The following CDKAL1 variants were observed in gnomAD, a reference collection of about 807,000 sequenced individuals.
CDKAL1 encodes CDKAL1 threonylcarbamoyladenosine tRNA methylthiotransferase, also known as threonylcarbamoyladenosine tRNA methylthiotransferase.
In CDKAL1, 32 loss-of-function variants were observed where a neutral mutation model predicts 68.2. The ratio of observed to expected loss-of-function variants is 0.47; its 90% CI spans 0.35 to 0.63. The LOEUF (loss-of-function observed/expected upper bound fraction) is 0.63. Ranked by LOEUF, CDKAL1 falls within the 30% of genes least tolerant of loss-of-function variation. The pLI, the probability that CDKAL1 is intolerant of heterozygous loss-of-function variation, is 0.00. For synonymous variants in CDKAL1, 234 were observed against 244.3 expected, an observed-to-expected ratio of 0.96 and a Z score of 0.39; for missense variants, 606 against 696.7, an observed-to-expected ratio of 0.87 and a Z score of 1.47.
At chr6:20,546,698 C>T (rs1362144987) in intron 3 of CDKAL1, among the ~76,000 whole-genome samples, 175 bp downstream of exon 3, 1 of 152,068 alleles carries the variant, frequency 6.6e-6, no homozygotes, top group Non-Finnish European at 1.5e-5. Flanking sequence ...TGATTACAGG[C>T]ACACACCACC....
intron 8 of CDKAL1, among the ~76,000 whole-genome samples, chr6:20,813,158 C>T (rs1022449446): frequency 1.3e-5 from 2 of 152,130 alleles, no homozygotes; most frequent in African/African-American, 2.4e-5. Flanking sequence ...TATAGGCCAG[C>T]TTGGTCTCAA....
chr6:21,194,306 A>T (rs1778380068), intron 13 of CDKAL1, among the ~76,000 whole-genome samples: 1 of 152,152 alleles, frequency 6.6e-6, no homozygotes, highest in African/African-American at 2.4e-5. Flanking sequence ...GATTTTGTCC[A>T]TTTTTCACAG....
intron 8 of CDKAL1, among the ~76,000 whole-genome samples, chr6:20,799,046 T>TTTTG (rs1479965862): frequency 4.2e-4 from 45 of 106,716 alleles, no homozygotes; most frequent in Non-Finnish European, 7.5e-4. Context: ...CTGAGTTTTT[T>TTTTG]TTTTTTTTTT....
intron 8 of CDKAL1, among the ~76,000 whole-genome samples, chr6:20,820,907 G>C (rs1410748447): frequency 2.0e-5 from 3 of 152,030 alleles, no homozygotes; most frequent in African/African-American, 4.8e-5. Context: ...AGTGAACAGT[G>C]TAATGAGGAA....
At position 21,061,248 on chromosome 6, in the gene CDKAL1, A is replaced by C. The variant is rs78228057; in HGVS notation, c.1056-3800A>C. On this transcript the variant is annotated intron_variant, in intron 11 of 15. Coordinates refer to ENST00000274695, the MANE Select transcript of CDKAL1 (RefSeq NM_017774.3). The stretch of plus-strand genomic sequence containing the variant: ...GCATAATTCGAACCTTTCTTACTCC[A>C]TTCCCAAGCTATTTAATAAGCCCAT... Among the ~76,000 whole-genome samples, 678 of 152,214 alleles carry C rather than the reference A, an allele frequency of 4.5e-3. 4 individuals are homozygous for C. Among genetic ancestry groups the C allele is most frequent in the African/African-American group, 0.015 (621 of 41,548 alleles).
chr6:20,612,157 A>G (rs575219412), intron 4 of CDKAL1, among the ~76,000 whole-genome samples: 1 of 152,250 alleles, frequency 6.6e-6, no homozygotes. Flanking sequence ...TTTCTGTGAC[A>G]GACACTTAGG....
chr6:20,653,323 G>T (rs1768859467), intron 5 of CDKAL1, among the ~76,000 whole-genome samples: 1 of 152,184 alleles, frequency 6.6e-6, no homozygotes, highest in African/African-American at 2.4e-5. Context: ...GTAGTAGTGT[G>T]CATTCTCACC....
At chr6:20,850,856 A>G (rs1758967958) in intron 9 of CDKAL1, among the ~76,000 whole-genome samples, 1 of 152,228 alleles carries the variant, frequency 6.6e-6, no homozygotes, top group Admixed American at 6.5e-5. Flanking sequence ...TGAATATAAA[A>G]TGGCTTCCCA....
At chr6:20,999,751 C>T (rs923598401) in intron 10 of CDKAL1, among the ~76,000 whole-genome samples, 24 of 139,434 alleles carry the variant, frequency 1.7e-4, no homozygotes, top group Non-Finnish European at 3.5e-4. Flanking sequence ...TGTCATTTGT[C>T]TTGGCAATAA....
chr6:20,940,652 C>T (rs1450973222), intron 9 of CDKAL1, among the ~76,000 whole-genome samples: 1 of 152,178 alleles, frequency 6.6e-6, no homozygotes, highest in Non-Finnish European at 1.5e-5. Flanking sequence ...GAACTCCTGC[C>T]TCAACCATGC....
At chr6:20,923,585 CCT>C (rs1238095024) in intron 9 of CDKAL1, among the ~76,000 whole-genome samples, 1 of 152,128 alleles carries the variant, frequency 6.6e-6, no homozygotes, top group Non-Finnish European at 1.5e-5. Flanking sequence ...CATTCATCTC[CCT>C]CTCTCTGTCT....
intron 12 of CDKAL1, among the ~76,000 whole-genome samples, chr6:21,105,512 A>AGTGTGTACAAATGATTTTATTTAC (rs1773800603): frequency 1.3e-5 from 2 of 152,206 alleles, no homozygotes; most frequent in Non-Finnish European, 2.9e-5. Flanking sequence ...GGAAACGATG[A>AGTGTGTACAAATGATTTTATTTAC]GTGTGTACAA....
At chr6:20,960,146 T>TTTGC (rs1375250979) in intron 10 of CDKAL1, among the ~76,000 whole-genome samples, 1 of 152,148 alleles carries the variant, frequency 6.6e-6, no homozygotes, top group African/African-American at 2.4e-5. Flanking sequence ...GAGATGGGGT[T>TTTGC]TTGCTTTGTT....
chr6:20,714,703 G>C (rs2127835143), intron 5 of CDKAL1, among the ~76,000 whole-genome samples: 1 of 152,086 alleles, frequency 6.6e-6, no homozygotes, highest in African/African-American at 2.4e-5. Flanking sequence ...GACTTTTGCT[G>C]CTTCTTTATT....
intron 8 of CDKAL1, among the ~76,000 whole-genome samples, chr6:20,787,308 AACTC>A (rs1775716565): frequency 6.6e-6 from 1 of 152,198 alleles, no homozygotes; most frequent in African/African-American, 2.4e-5. Context: ...TGCGAAAACT[AACTC>A]ATATTTTTAC....
chr6:21,095,056 G>T (rs534103050), intron 12 of CDKAL1, among the ~76,000 whole-genome samples: 1 of 152,118 alleles, frequency 6.6e-6, no homozygotes, highest in Non-Finnish European at 1.5e-5. Flanking sequence ...TACAGTATAC[G>T]CAATAAGTGG....
intron 4 of CDKAL1, among the ~76,000 whole-genome samples, chr6:20,551,533 A>C (rs1417888649): frequency 6.6e-6 from 1 of 150,854 alleles, no homozygotes; most frequent in African/African-American, 2.4e-5. Flanking sequence ...ATGCCTGGCT[A>C]ATTTTTTTGT....
intron 5 of CDKAL1, among the ~76,000 whole-genome samples, chr6:20,672,823 C>A (rs1769911500): frequency 6.6e-6 from 1 of 152,112 alleles, no homozygotes; most frequent in East Asian, 1.9e-4. Flanking sequence ...GTTGCCCAGG[C>A]TGGACTGCAA....
At chr6:20,621,772 G>C (rs1417289669) in intron 4 of CDKAL1, among the ~76,000 whole-genome samples, 1 of 145,322 alleles carries the variant, frequency 6.9e-6, no homozygotes, top group Non-Finnish European at 1.5e-5. Context: ...GCATACCTCA[G>C]TGTTTTTTTT....
Sources: allele counts gnomAD v4.1 joint callset (sites outside exome capture counted in the v4.1 genomes callset), GRCh38; gene constraint gnomAD v4.1.1; transcripts MANE v1.5; gene names NCBI Gene and HGNC (gene_info 2026-07-23, HGNC 2026-07-21).